The following ADD3 variants were observed in gnomAD, a reference collection of about 807,000 sequenced individuals.
ADD3 encodes the protein gamma-adducin.
ADD3 carries 25 observed loss-of-function variants against 80.2 expected under a neutral mutation model. That is an observed-to-expected ratio of 0.31 (90% CI 0.23 to 0.44). The LOEUF (loss-of-function observed/expected upper bound fraction) is 0.44. Ranked by LOEUF, ADD3 falls within the 20% of genes least tolerant of loss-of-function variation. ADD3 has a pLI of 1.00. For synonymous variants in ADD3, 284 were observed against 289.6 expected, an observed-to-expected ratio of 0.98 and a Z score of 0.20; for missense variants, 829 against 847.5, an observed-to-expected ratio of 0.98 and a Z score of 0.27.
intron 1 of ADD3, among the ~76,000 whole-genome samples, chr10:110,013,706 T>C (rs990134743): frequency 6.6e-6 from 1 of 152,184 alleles, no homozygotes; most frequent in Non-Finnish European, 1.5e-5. Context: ...TTAAATTTAT[T>C]CTTGTGATTT....
intron 1 of ADD3, among the ~76,000 whole-genome samples, chr10:110,060,447 T>G (rs1329385166): frequency 1.3e-5 from 2 of 152,226 alleles, no homozygotes; most frequent in Admixed American, 6.5e-5. Context: ...CCAAAAGCAC[T>G]TGGATATTTT....
At chr10:109,999,665 T>C (rs1208741464) in intron 1 of ADD3, among the ~76,000 whole-genome samples, 1 of 152,236 alleles carries the variant, frequency 6.6e-6, no homozygotes, top group African/African-American at 2.4e-5. Flanking sequence ...TCAAGCATAG[T>C]GCTTGGCACA....
At chr10:110,064,008 C>A (rs1324701826) in intron 1 of ADD3, among the ~76,000 whole-genome samples, 1 of 151,810 alleles carries the variant, frequency 6.6e-6, no homozygotes, top group Admixed American at 6.6e-5. Context: ...AATATCTACT[C>A]TTTTGTCTCC....
At chr10:110,022,754 G>A (rs1293959543) in intron 1 of ADD3, among the ~76,000 whole-genome samples, 1 of 152,214 alleles carries the variant, frequency 6.6e-6, no homozygotes, top group Non-Finnish European at 1.5e-5. Flanking sequence ...TGGGCACAGA[G>A]AAGGGAAATA....
intron 1 of ADD3, among the ~76,000 whole-genome samples, chr10:110,070,500 T>C (rs1844536320): frequency 6.6e-6 from 1 of 152,210 alleles, no homozygotes; most frequent in Non-Finnish European, 1.5e-5. Flanking sequence ...CTGCTGTAGG[T>C]TGCAGAGAAT....
intron 1 of ADD3, among the ~76,000 whole-genome samples, chr10:110,024,841 A>T (rs945063568): frequency 6.6e-6 from 1 of 152,168 alleles, no homozygotes; most frequent in East Asian, 1.9e-4. Context: ...AGTAAGAAAT[A>T]TAAGGACATG....
chr10:110,125,909 C>G lies in ADD3; in HGVS notation c.1485C>G (p.Asn495Lys), dbSNP rs1397035557. 1.2e-6 allele frequency: 2 copies of G among 1,609,000 alleles called. No homozygotes were observed. Among genetic ancestry groups the G allele is most frequent in the South Asian group, 2.2e-5 (2 of 90,572 alleles). ...IEDPNQFVPLNTNPNEVLEKR... is the reference protein window; with the variant it reads ...IEDPNQFVPLKTNPNEVLEKR... ...ATCCAAATCAGTTTGTTCCTTTAAA[C>G]ACAAACCCGAATGAGGTACTAGAAA... The change falls in exon 11 of 15, where the codon AAC becomes AAG. Residue 495 changes from asparagine to lysine, a missense_variant. Asn to Lys is a moderately conservative substitution (Grantham distance 94). Transcript: ENST00000356080.
intron 1 of ADD3, among the ~76,000 whole-genome samples, chr10:109,997,051 C>G (rs1392885909): frequency 6.6e-6 from 1 of 152,158 alleles, no homozygotes; most frequent in Non-Finnish European, 1.5e-5. Flanking sequence ...CTAACTTAAG[C>G]AAAGCAGGAA....
At chr10:110,046,184 C>T (rs999561411) in intron 1 of ADD3, among the ~76,000 whole-genome samples, 12 of 152,078 alleles carry the variant, frequency 7.9e-5, no homozygotes, top group African/African-American at 2.4e-4. Flanking sequence ...ACAAATGATT[C>T]GTCTTGTAAA....
At chr10:110,007,514 T>A (rs1851741596), upstream of ADD3, among the ~76,000 whole-genome samples, 3 of 152,100 alleles carry the variant, frequency 2.0e-5, no homozygotes, top group Admixed American at 1.3e-4. Context: ...CGGGAGACAT[T>A]TCCGAGGCGC....
chr10:110,122,270 T>C lies in ADD3; in HGVS notation c.1121T>C (p.Leu374Pro), dbSNP rs201802093. The C allele has an allele frequency of 1.2e-6, 2 of 1,614,032 alleles. No homozygotes were observed. The highest frequency in any genetic ancestry group is 8.5e-7 in the Non-Finnish European group (1 of 1,179,950). The change falls in exon 9 of 15, where the codon CTT becomes CCT. Residue 374 changes from leucine to proline, a missense_variant. Coordinates refer to ENST00000356080, the MANE Select transcript of ADD3 (RefSeq NM_016824.5). ...GTTGGCGAAATTGAGTTTGAAGGGCTTATGAGGACTCTGGACAACTTGGTA... is the reference window on the plus strand; with the variant it reads ...GTTGGCGAAATTGAGTTTGAAGGGCCTATGAGGACTCTGGACAACTTGGTA... Reference protein sequence around the residue: ...WKVGEIEFEGLMRTLDNLGYR... With the variant: ...WKVGEIEFEGPMRTLDNLGYR...
intron 2 of ADD3, among the ~76,000 whole-genome samples, chr10:110,101,634 C>T (rs1266047913): frequency 2.1e-5 from 3 of 140,692 alleles, no homozygotes; most frequent in African/African-American, 8.5e-5. Context: ...GAGACCTTAC[C>T]TAAAAAAAAA....
At chr10:110,125,796 C>T (rs1359681053) in intron 10 of ADD3, 30 bp from the exon 11 acceptor site, 1 of 1,541,104 alleles carries the variant, frequency 6.5e-7, no homozygotes, top group Admixed American at 1.8e-5. Context: ...TAACACAAAG[C>T]TTCATTTTAG....
chr10:110,026,796 C>G (rs1379129284), intron 1 of ADD3, among the ~76,000 whole-genome samples: 7 of 145,552 alleles, frequency 4.8e-5, no homozygotes, highest in Admixed American at 2.0e-4. Context: ...TTTTTAACTT[C>G]TGGTGCCTTT....
At chr10:110,117,078 C>T (rs1377488166) in intron 4 of ADD3, among the ~76,000 whole-genome samples, 1 of 152,124 alleles carries the variant, frequency 6.6e-6, no homozygotes, top group Non-Finnish European at 1.5e-5. Flanking sequence ...TTTTCATGAA[C>T]ATAGCTGACC....
intron 1 of ADD3, among the ~76,000 whole-genome samples, chr10:110,042,687 GTTT>G (rs35414440): frequency 2.8e-5 from 4 of 140,620 alleles, no homozygotes; most frequent in African/African-American, 1.1e-4. Context: ...GTCTGGTGCT[GTTT>G]TTTTTTTTTT....
chr10:110,021,405 A>G (rs1201719054), intron 1 of ADD3, among the ~76,000 whole-genome samples: 2 of 152,242 alleles, frequency 1.3e-5, no homozygotes, highest in Non-Finnish European at 2.9e-5. Flanking sequence ...CCACAAAAAA[A>G]TTGTACACTA....
chr10:110,067,490 G>A (rs1844108939), intron 1 of ADD3, among the ~76,000 whole-genome samples: 1 of 152,184 alleles, frequency 6.6e-6, no homozygotes, highest in African/African-American at 2.4e-5. Context: ...TGAGTTTAAA[G>A]AGGTTGAGAA....
upstream of ADD3, among the ~76,000 whole-genome samples, chr10:110,001,616 T>C (rs996024215): frequency 3.9e-5 from 6 of 152,178 alleles, no homozygotes; most frequent in Admixed American, 1.3e-4. Context: ...ATCAAACTGG[T>C]GATACATGAG....
Sources: allele counts gnomAD v4.1 joint callset (sites outside exome capture counted in the v4.1 genomes callset), GRCh38; gene constraint gnomAD v4.1.1; transcripts MANE v1.5; gene names NCBI Gene and HGNC (gene_info 2026-07-23, HGNC 2026-07-21).